LDAF1: variants seen among roughly 807,000 people sequenced by gnomAD.
The protein encoded by LDAF1 is PROMETHIN.
Under a neutral mutation model 13.5 loss-of-function variants are expected in LDAF1, and 7 were observed. The observed-to-expected ratio is 0.52, with a 90% CI of 0.29 to 0.97. The LOEUF is 0.97. LDAF1 is among the 50% of genes least tolerant of loss of function. The probability of loss-of-function intolerance (pLI) is 0.07; values close to 1 mark genes in which losing one functional copy is unlikely to be tolerated. For synonymous variants in LDAF1, 69 were observed against 77.1 expected (o/e 0.89, Z 0.55); for missense variants, 148 against 193.2 (o/e 0.77, Z 1.39).
At position 21,180,398 on chromosome 16, in the gene LDAF1, A is replaced by C. The variant is rs958404422; in HGVS notation, c.*842A>C. The C allele has an allele frequency of 6.6e-6, 1 of 150,610 alleles. No individual in the cohort carries two copies. The highest frequency in any genetic ancestry group is 1.5e-5 in the Non-Finnish European group (1 of 67,860). 9.3% of individuals were successfully genotyped at this position (150,610 alleles called of 1,614,324 possible). ...CAGGCACCCGCCACCGTGCCCGGCT[A>C]GTTTTTTTTTGTATTTTTTTTAGTA... On this transcript the variant is annotated 3_prime_UTR_variant, in exon 5 of 5. Coordinates refer to ENST00000233047, the MANE Select transcript of LDAF1 (RefSeq NM_001301771.2).
At chr16:21,163,047 C>A (rs923132145) in intron 2 of LDAF1, among the ~76,000 whole-genome samples, 3 of 152,162 alleles carry the variant, frequency 2.0e-5, no homozygotes, top group African/African-American at 2.4e-5. Context: ...TCAGGGCCAA[C>A]AACAGTACTA....
At chr16:21,167,911 C>T (rs1286958693) in intron 2 of LDAF1, among the ~76,000 whole-genome samples, 4 of 148,058 alleles carry the variant, frequency 2.7e-5, no homozygotes, top group African/African-American at 9.9e-5. Context: ...GAGGCTGAGG[C>T]GGGAGAATGG....
chr16:21,167,696 G>GTTTTTTTGTTTTTTTTTTTTT (rs1555584382), intron 2 of LDAF1, among the ~76,000 whole-genome samples: 1 of 89,092 alleles, frequency 1.1e-5, no homozygotes, highest in African/African-American at 4.4e-5. Context: ...CCTTAGGTTT[G>GTTTTTTTGTTTTTTTTTTTTT]TTTTTTTTTT....
At chr16:21,163,434 C>T (rs1422056236) in intron 2 of LDAF1, among the ~76,000 whole-genome samples, 5 of 152,198 alleles carry the variant, frequency 3.3e-5, no homozygotes, top group Admixed American at 6.5e-5. Flanking sequence ...TCCCTTGAGC[C>T]AGAAGTTCAA....
chr16:21,172,148 T>TAA (rs769536016), intron 3 of LDAF1, among the ~76,000 whole-genome samples: 122 of 132,876 alleles, frequency 9.2e-4, no homozygotes, highest in African/African-American at 2.6e-3. Context: ...TCCATCTCTT[T>TAA]AAAAAAAAAA....
chr16:21,168,316 G>C (rs554793842), intron 2 of LDAF1, among the ~76,000 whole-genome samples: 1 of 151,868 alleles, frequency 6.6e-6, no homozygotes, highest in Non-Finnish European at 1.5e-5. Flanking sequence ...TGCTGGCCAG[G>C]CCTTAGCTTT....
intron 4 of LDAF1, among the ~76,000 whole-genome samples, chr16:21,174,544 A>G (rs562860141): frequency 2.0e-5 from 3 of 152,286 alleles, no homozygotes; most frequent in East Asian, 3.9e-4. Flanking sequence ...AAATAAAACC[A>G]TAATCCTAGT....
intron 3 of LDAF1, among the ~76,000 whole-genome samples, chr16:21,172,382 G>A (rs1005510305): frequency 6.6e-6 from 1 of 152,076 alleles, no homozygotes; most frequent in African/African-American, 2.4e-5. Context: ...GGAGGTGGAG[G>A]TTGCAGTGAG....
chr16:21,168,839 A>G lies in LDAF1; in HGVS notation c.97-1598A>G, dbSNP rs1315446759. ...AATTAAATATAATTTAATTTTATAT[A>G]ATTATAAATATTTTTATATTTTATA... On this transcript the variant is annotated intron_variant, in intron 2 of 4. Transcript: ENST00000233047. Among the ~76,000 whole-genome samples the G allele has an allele frequency of 1.6e-4, 21 of 132,728 alleles. No individual in the cohort carries two copies. The South Asian group carries it at 4.5e-3, about 28-fold the overall frequency. 87.1% of individuals were successfully genotyped at this position (132,728 alleles called of 152,430 possible). A position where few individuals can be genotyped will look rare whatever the true frequency, so the allele number is the denominator to read the frequency against.
At chr16:21,160,945 T>C in intron 1 of LDAF1, 140 bp from the exon 2 acceptor site, 1 of 1,004,318 alleles carries the variant, frequency 1.0e-6, no homozygotes, top group Non-Finnish European at 1.3e-6. Flanking sequence ...GATTGAAGTG[T>C]GTGCAATCTG....
chr16:21,173,092 G>A (rs1386449671), intron 3 of LDAF1, among the ~76,000 whole-genome samples: 1 of 151,948 alleles, frequency 6.6e-6, no homozygotes, highest in African/African-American at 2.4e-5. Flanking sequence ...TTCCTATTCA[G>A]AGTGGGAATG....
At chr16:21,163,910 C>G (rs1228385598) in intron 2 of LDAF1, among the ~76,000 whole-genome samples, 1 of 152,084 alleles carries the variant, frequency 6.6e-6, no homozygotes, top group Non-Finnish European at 1.5e-5. Context: ...CCATTTTGGC[C>G]ACGCTGATCT....
At position 21,179,488 on chromosome 16, in the gene LDAF1, C is replaced by T; in HGVS notation, c.418C>T (p.Gln140Ter). The part of the protein sequence containing the change: ...CWFSPRPLTQ[Q>*]NTSCDFLPAM... The stretch of plus-strand genomic sequence containing the variant: ...GTTATCCGACAGGCCACTGACACAG[C>T]AAAACACCAGTTGTGACTTTCTGCC... The change falls in exon 5 of 5, where the codon CAA becomes TAA. Residue 140 changes from glutamine to a stop codon, truncating the protein, a stop_gained. Coordinates refer to ENST00000233047, the MANE Select transcript of LDAF1 (RefSeq NM_001301771.2). LOFTEE classifies it low-confidence loss of function (END_TRUNC). The T allele has an allele frequency of 6.2e-7, 1 of 1,614,172 alleles. No individual in the cohort carries two copies. Among genetic ancestry groups the T allele is most frequent in the Non-Finnish European group, 8.5e-7 (1 of 1,180,018 alleles).
chr16:21,161,168 G>A lies in LDAF1; in HGVS notation c.-15G>A. 1 of 1,613,866 alleles carries A rather than the reference G, an allele frequency of 6.2e-7. No homozygotes were observed. The highest frequency in any genetic ancestry group is 8.5e-7 in the Non-Finnish European group (1 of 1,179,960). On this transcript the variant is annotated 5_prime_UTR_variant, in exon 2 of 5. Coordinates refer to ENST00000233047, the MANE Select transcript of LDAF1 (RefSeq NM_001301771.2). ...AGGATAATTCATCCCTAAAGAGATT[G>A]AAGTGAGCTTCAGAATGGCAAAAGA...
Position 21,161,166 on chromosome 16 carries a change from T to C in LDAF1, c.-17T>C, listed in dbSNP as rs756696089. On this transcript the variant is annotated 5_prime_UTR_variant, in exon 2 of 5. Coordinates refer to ENST00000233047, the MANE Select transcript of LDAF1 (RefSeq NM_001301771.2). Reference sequence around the variant, plus strand: ...GTAGGATAATTCATCCCTAAAGAGATTGAAGTGAGCTTCAGAATGGCAAAA... The same window carrying C: ...GTAGGATAATTCATCCCTAAAGAGACTGAAGTGAGCTTCAGAATGGCAAAA... The C allele has an allele frequency of 6.8e-6, 11 of 1,613,660 alleles. No individual in the cohort carries two copies. Among genetic ancestry groups the C allele is most frequent in the East Asian group, 2.2e-5 (1 of 44,886 alleles).
At chr16:21,178,336 A>G (rs1399348302) in intron 4 of LDAF1, 4 of 985,292 alleles carry the variant, frequency 4.1e-6, no homozygotes, top group Non-Finnish European at 4.8e-6. Context: ...AACCAGCCTG[A>G]GCATAACTAG....
At position 21,174,113 on chromosome 16, in the gene LDAF1, G is replaced by A; in HGVS notation, c.369G>A (p.Val123=). 6.2e-7 allele frequency: 1 copy of A among 1,613,768 alleles called. No individual in the cohort carries two copies. The highest frequency in any genetic ancestry group is 8.5e-7 in the Non-Finnish European group (1 of 1,179,882). Residue 123 remains valine (V), a synonymous_variant, in exon 4 of 5, where the codon GTG becomes GTA. Transcript: ENST00000233047. ...MSGMMIASYV[V]VSSLISCWFS... ...GGATGATGATAGCATCTTATGTAGT[G>A]GTCTCCAGCCTCATCAGCTGCTGGT...
intron 2 of LDAF1, among the ~76,000 whole-genome samples, chr16:21,163,810 C>T (rs997860570): frequency 6.6e-6 from 1 of 152,182 alleles, no homozygotes; most frequent in African/African-American, 2.4e-5. Context: ...GGCATTCACC[C>T]TGGCCCTGTC....
At chr16:21,167,546 G>A (rs930317427) in intron 2 of LDAF1, among the ~76,000 whole-genome samples, 36 of 152,188 alleles carry the variant, frequency 2.4e-4, no homozygotes, top group African/African-American at 8.4e-4. Context: ...CCCGGTGAAG[G>A]AAAATAAACT....
Sources: gnomAD v4.1 joint callset for allele counts (sites outside exome capture counted in the v4.1 genomes callset) on GRCh38, gnomAD v4.1.1 for gene constraint, MANE v1.5 for transcripts, NCBI Gene and HGNC (gene_info 2026-07-23, HGNC 2026-07-21) for gene names.